The following TENM4 variants were observed in gnomAD, a reference collection of about 807,000 sequenced individuals.
TENM4 encodes teneurin transmembrane protein 4, also known as teneurin-4.
TENM4 carries 82 observed loss-of-function variants against 243.3 expected under a neutral mutation model. That is an observed-to-expected ratio of 0.34 (90% CI 0.28 to 0.40). The LOEUF (loss-of-function observed/expected upper bound fraction) is 0.40. Ranked by LOEUF, TENM4 falls within the 10% of genes least tolerant of loss-of-function variation. The pLI is 1.00. For synonymous variants in TENM4, 1,412 were observed against 1,456.3 expected (o/e 0.97, Z 0.69); for missense variants, 3,138 against 3,673.3 (o/e 0.85, Z 3.77).
intron 31 of TENM4, among the ~76,000 whole-genome samples, 186 bp downstream of exon 31, chr11:78,671,847 T>G (rs888554128): frequency 6.6e-6 from 1 of 152,232 alleles, no homozygotes; most frequent in Non-Finnish European, 1.5e-5. Context: ...CCACCTGCCA[T>G]GCTATCTCCC....
At chr11:78,736,477 T>TGTGTGTGTGTGTGCGC (rs1328804792) in intron 20 of TENM4, among the ~76,000 whole-genome samples, 51 of 102,070 alleles carry the variant, frequency 5.0e-4, no homozygotes, top group African/African-American at 1.6e-3. Context: ...TGTGTGTGTG[T>TGTGTGTGTGTGTGCGC]GTGCGCGCGC....
intron 6 of TENM4, among the ~76,000 whole-genome samples, chr11:79,031,975 C>T (rs1859252018): frequency 1.3e-5 from 2 of 152,176 alleles, no homozygotes; most frequent in Admixed American, 1.3e-4. Flanking sequence ...CGTTGTCTGG[C>T]TCCAAATGTG....
intron 1 of TENM4, among the ~76,000 whole-genome samples, chr11:79,404,074 C>T (rs1858518122): frequency 6.6e-6 from 1 of 152,204 alleles, no homozygotes; most frequent in African/African-American, 2.4e-5. Flanking sequence ...AGGACCTTGA[C>T]CCTCCGCTGA....
intron 6 of TENM4, among the ~76,000 whole-genome samples, chr11:79,060,741 G>C (rs1860064521): frequency 6.6e-6 from 1 of 152,168 alleles, no homozygotes; most frequent in Non-Finnish European, 1.5e-5. Context: ...TGGAGCCTCA[G>C]GTTTCCCATT....
At chr11:78,756,699 C>T in intron 19 of TENM4, 106 bp downstream of exon 19, 2 of 1,085,902 alleles carry the variant, frequency 1.8e-6, no homozygotes, top group Admixed American at 4.5e-5. Context: ...CATGGATGCT[C>T]TCACGTTCCT....
At chr11:78,910,187 C>G (rs896206001) in intron 6 of TENM4, among the ~76,000 whole-genome samples, 1 of 152,216 alleles carries the variant, frequency 6.6e-6, no homozygotes, top group Non-Finnish European at 1.5e-5. Context: ...GTGCCCACAT[C>G]CAGCCCTGCA....
chr11:78,704,889 C>T (rs1859205281), intron 27 of TENM4, among the ~76,000 whole-genome samples: 1 of 152,142 alleles, frequency 6.6e-6, no homozygotes, highest in Admixed American at 6.5e-5. Flanking sequence ...CAGGAGGGGG[C>T]AGGCCCTTTC....
chr11:79,029,814 G>C (rs1859177530), intron 6 of TENM4, among the ~76,000 whole-genome samples: 1 of 152,148 alleles, frequency 6.6e-6, no homozygotes, highest in South Asian at 2.1e-4. Flanking sequence ...TCTTCTCCAG[G>C]AAGCCCTATT....
At chr11:79,281,170 C>G (rs1229641777) in intron 2 of TENM4, among the ~76,000 whole-genome samples, 1 of 152,160 alleles carries the variant, frequency 6.6e-6, no homozygotes, top group Non-Finnish European at 1.5e-5. Context: ...AAAGGCAACT[C>G]CTTAGCACCT....
At chr11:78,884,862 T>C (rs765567310) in intron 9 of TENM4, among the ~76,000 whole-genome samples, 7 of 152,166 alleles carry the variant, frequency 4.6e-5, no homozygotes, top group Non-Finnish European at 7.4e-5. Flanking sequence ...GCAAGCTACT[T>C]AAGCTCATGG....
At chr11:78,772,345 A>G (rs1856662187) in intron 17 of TENM4, among the ~76,000 whole-genome samples, 1 of 152,078 alleles carries the variant, frequency 6.6e-6, no homozygotes. Context: ...CCTTATATTA[A>G]CAATCCTGCC....
rs186867677 is a variant in TENM4, at chr11:79,357,991, G to A, written c.-320-60448C>T. Among the ~76,000 whole-genome samples the A allele has an allele frequency of 2.8e-4, 42 of 152,280 alleles. 1 individual carries two copies. The East Asian group carries it at 7.9e-3, about 29-fold the overall frequency. ...GAGATGGAAATAGATTAAATGGAATGGAAATGTTTCCACTTTGAAATATTA... is the reference window on the plus strand; with the variant it reads ...GAGATGGAAATAGATTAAATGGAATAGAAATGTTTCCACTTTGAAATATTA... On this transcript the variant is annotated intron_variant, in intron 1 of 33. Transcript: ENST00000278550.
At chr11:78,849,507 T>A (rs1858481602) in intron 12 of TENM4, among the ~76,000 whole-genome samples, 1 of 152,202 alleles carries the variant, frequency 6.6e-6, no homozygotes, top group African/African-American at 2.4e-5. Context: ...TTGTCTAAAC[T>A]TCTTGTGAGG....
intron 3 of TENM4, among the ~76,000 whole-genome samples, chr11:79,165,192 CTTT>C (rs1862886256): frequency 6.6e-6 from 1 of 152,010 alleles, no homozygotes; most frequent in South Asian, 2.1e-4. Flanking sequence ...GGTAGTTCTA[CTTT>C]TAGTTCTTTA....
Position 78,913,750 on chromosome 11 carries a change from C to A in TENM4, c.494-10227G>T, listed in dbSNP as rs7125486. On this transcript the variant is annotated intron_variant, in intron 6 of 33. Transcript: ENST00000278550. ...AAAAGCACGAAGAAACAGGGACGGC[C>A]ATGCTGTGCTGATTTGCTGGAGCGG... 2.6e-5 allele frequency among the ~76,000 whole-genome samples: 4 copies of A among 152,076 alleles called. No individual in the cohort carries two copies. In the South Asian group the frequency reaches 8.3e-4, roughly 32 times the overall value.
chr11:79,379,528 T>C (rs1008983479), intron 1 of TENM4, among the ~76,000 whole-genome samples: 6 of 151,968 alleles, frequency 3.9e-5, no homozygotes, highest in African/African-American at 1.5e-4. Flanking sequence ...GACGGATGGG[T>C]TCAAGGAGTA....
intron 6 of TENM4, among the ~76,000 whole-genome samples, chr11:79,013,028 C>T (rs1345636207): frequency 6.6e-6 from 1 of 152,202 alleles, no homozygotes; most frequent in Non-Finnish European, 1.5e-5. Flanking sequence ...AACACTACAC[C>T]AGACTGATAC....
chr11:79,326,676 C>A (rs942919211), intron 1 of TENM4, among the ~76,000 whole-genome samples: 2 of 152,208 alleles, frequency 1.3e-5, no homozygotes, highest in African/African-American at 2.4e-5. Flanking sequence ...CCCTGAGAAT[C>A]GCCATATTCT....
Position 79,235,848 on chromosome 11 carries a change from C to G in TENM4, c.-264-19939G>C, listed in dbSNP as rs1181822614. On this transcript the variant is annotated intron_variant, in intron 2 of 33. Transcript: ENST00000278550. The stretch of plus-strand genomic sequence containing the variant: ...TTTCTTTGAGCTTTCCTAGATTTAT[C>G]TGAACTCTGGTAAGAATGAGGACTT... Among the ~76,000 whole-genome samples, 3 of 152,084 alleles carry G rather than the reference C, an allele frequency of 2.0e-5. No individual in the cohort carries two copies. The East Asian group carries it at 5.8e-4, about 29-fold the overall frequency.
Sources: allele counts gnomAD v4.1 joint callset (sites outside exome capture counted in the v4.1 genomes callset), GRCh38; gene constraint gnomAD v4.1.1; transcripts MANE v1.5; gene names NCBI Gene and HGNC (gene_info 2026-07-23, HGNC 2026-07-21).